Variants in PRKCH observed in about 807,000 individuals in gnomAD.
The protein encoded by PRKCH is protein kinase C eta type.
Under a neutral mutation model 82.5 loss-of-function variants are expected in PRKCH, and 28 were observed. That is an observed-to-expected ratio of 0.34 (90% confidence interval 0.25 to 0.47). The LOEUF (loss-of-function observed/expected upper bound fraction) is 0.47, where lower values mean the gene tolerates loss of function less well. Ranked by LOEUF, PRKCH falls within the 20% of genes least tolerant of loss-of-function variation. PRKCH has a pLI of 1.00. For missense variants in PRKCH, 705 were observed against 881.8 expected (o/e 0.80, Z 2.54); for synonymous variants, 322 against 327.4 (o/e 0.98, Z 0.18).
intron 1 of PRKCH, among the ~76,000 whole-genome samples, chr14:61,362,905 G>A (rs2046248496): frequency 6.6e-6 from 1 of 152,192 alleles, no homozygotes; most frequent in Non-Finnish European, 1.5e-5. Context: ...TGTTGAACAG[G>A]GAGCTGGGAG....
chr14:61,212,158 A>G (rs957379389), intron 1 of PRKCH, among the ~76,000 whole-genome samples: 2 of 152,190 alleles, frequency 1.3e-5, no homozygotes, highest in African/African-American at 2.4e-5. Flanking sequence ...AGAAAATCCA[A>G]TCGCACATGG....
intron 10 of PRKCH, among the ~76,000 whole-genome samples, chr14:61,503,809 C>T (rs543980245): frequency 2.0e-5 from 3 of 152,160 alleles, no homozygotes; most frequent in South Asian, 2.1e-4. Flanking sequence ...GAGGTAGAGT[C>T]GAGGGCTTAC....
At chr14:61,204,891 G>A (rs921086521) in intron 1 of PRKCH, among the ~76,000 whole-genome samples, 1 of 152,018 alleles carries the variant, frequency 6.6e-6, no homozygotes, top group Non-Finnish European at 1.5e-5. Context: ...AACTGAGTAA[G>A]CTCTTCCATA....
Position 61,449,248 on chromosome 14 carries a change from C to T in PRKCH, c.698C>T (p.Ser233Leu), listed in dbSNP as rs750223838. 1 of 1,611,488 alleles carries T rather than the reference C, an allele frequency of 6.2e-7. No individual in the cohort carries two copies. Among genetic ancestry groups the T allele is most frequent in the Non-Finnish European group, 8.5e-7 (1 of 1,177,678 alleles). The change falls in exon 5 of 14, where the codon TCA becomes TTA. Residue 233 changes from serine (S) to leucine (L), a missense_variant. Physicochemically the swap from Ser to Leu is moderately radical, Grantham distance 145 (BLOSUM62 -2). Transcript: ENST00000332981. Reference sequence around the variant, plus strand: ...CAAAACAATATTAACAAAGTGGATTCAAAGGTAAGAGGATAGCAGTTTGCT... The same window carrying T: ...CAAAACAATATTAACAAAGTGGATTTAAAGGTAAGAGGATAGCAGTTTGCT... Reference protein sequence around the residue: ...TCQNNINKVDSKIAEQRFGIN... With the variant: ...TCQNNINKVDLKIAEQRFGIN...
At chr14:61,330,453 A>G (rs1031491086) in intron 1 of PRKCH, among the ~76,000 whole-genome samples, 5 of 152,244 alleles carry the variant, frequency 3.3e-5, no homozygotes, top group Non-Finnish European at 5.9e-5. Context: ...GATGACCTGC[A>G]AAAGAACTTT....
chr14:61,316,054 C>G (rs2045559967), intron 1 of PRKCH, among the ~76,000 whole-genome samples: 1 of 152,074 alleles, frequency 6.6e-6, no homozygotes, highest in African/African-American at 2.4e-5. Context: ...AGCCTATTTA[C>G]TGTTTTTTTC....
chr14:61,381,675 C>T (rs1341363789), intron 1 of PRKCH, among the ~76,000 whole-genome samples: 21 of 152,254 alleles, frequency 1.4e-4, no homozygotes, highest in Admixed American at 1.4e-3. Flanking sequence ...CTCGGGCCCT[C>T]ATTGAGAACC....
intron 1 of PRKCH, chr14:61,326,811 C>A: frequency 4.9e-6 from 1 of 202,718 alleles, no homozygotes; most frequent in Non-Finnish European, 1.0e-5. Context: ...TGGACATGGT[C>A]TCATTTTCTA....
At chr14:61,324,154 C>A (rs1427076465) in intron 1 of PRKCH, among the ~76,000 whole-genome samples, 1 of 152,210 alleles carries the variant, frequency 6.6e-6, no homozygotes. Context: ...GGTGGAGAAC[C>A]TGCAGCCTAC....
intron 10 of PRKCH, among the ~76,000 whole-genome samples, chr14:61,487,947 A>G (rs1388266608): frequency 1.3e-5 from 2 of 151,880 alleles, no homozygotes; most frequent in Non-Finnish European, 2.9e-5. Context: ...AGGTCAGGAG[A>G]TCGAGACCAT....
chr14:61,275,959 T>C (rs945248093), intron 1 of PRKCH, among the ~76,000 whole-genome samples: 2 of 152,182 alleles, frequency 1.3e-5, no homozygotes, highest in Admixed American at 1.3e-4. Flanking sequence ...GGCAAAGCAG[T>C]GGGGACGCAT....
intron 10 of PRKCH, among the ~76,000 whole-genome samples, chr14:61,498,162 C>T (rs1425168527): frequency 6.6e-6 from 1 of 151,968 alleles, no homozygotes; most frequent in Non-Finnish European, 1.5e-5. Context: ...TGCAGACATG[C>T]GCCACCACAC....
At chr14:61,219,935 T>G (rs2044641906) in intron 1 of PRKCH, among the ~76,000 whole-genome samples, 1 of 152,188 alleles carries the variant, frequency 6.6e-6, no homozygotes, top group African/African-American at 2.4e-5. Flanking sequence ...GAATTTAGTA[T>G]GTAAGACTAG....
intron 9 of PRKCH, among the ~76,000 whole-genome samples, chr14:61,480,178 CA>C (rs1885909226): frequency 6.6e-6 from 1 of 152,184 alleles, no homozygotes. Context: ...GTTCTATGCA[CA>C]GGTTTAAATA....
intron 9 of PRKCH, among the ~76,000 whole-genome samples, chr14:61,483,341 C>G (rs938569721): frequency 2.6e-5 from 4 of 152,230 alleles, no homozygotes; most frequent in Non-Finnish European, 5.9e-5. Flanking sequence ...TCTGCCTCTC[C>G]CCTTGTCAGT....
intron 10 of PRKCH, among the ~76,000 whole-genome samples, chr14:61,512,453 A>C (rs1887422009): frequency 6.6e-6 from 1 of 152,052 alleles, no homozygotes; most frequent in African/African-American, 2.4e-5. Context: ...TTTTTGACTT[A>C]CTGACTTTCA....
At chr14:61,315,291 G>A (rs900209863) in intron 1 of PRKCH, among the ~76,000 whole-genome samples, 3 of 152,236 alleles carry the variant, frequency 2.0e-5, no homozygotes, top group Middle Eastern at 3.4e-3. Flanking sequence ...CTATCCGTTA[G>A]AATCATGCTG....
chr14:61,294,909 G>T (rs879286267), intron 1 of PRKCH, among the ~76,000 whole-genome samples: 4 of 152,054 alleles, frequency 2.6e-5, no homozygotes, highest in Admixed American at 1.3e-4. Context: ...GTCTTGCTCT[G>T]TTGCCCAGGC....
intron 1 of PRKCH, 129 bp from the exon 2 acceptor site, chr14:61,391,096 T>C (rs2046672637): frequency 1.4e-6 from 1 of 738,956 alleles, no homozygotes; most frequent in African/African-American, 1.9e-5. Context: ...TACTATTTAA[T>C]GAAAGACTTA....
Sources: allele counts gnomAD v4.1 joint callset (sites outside exome capture counted in the v4.1 genomes callset), GRCh38; gene constraint gnomAD v4.1.1; transcripts MANE v1.5; gene names NCBI Gene and HGNC (gene_info 2026-07-23, HGNC 2026-07-21).